RALYL: variants seen among roughly 807,000 people sequenced by gnomAD.
The protein encoded by RALYL is RALY RNA binding protein like, also known as RNA-binding Raly-like protein.
In RALYL, 29 loss-of-function variants were observed where a neutral mutation model predicts 35.1. The observed-to-expected ratio is 0.83, with a 90% CI of 0.61 to 1.13. The LOEUF (loss-of-function observed/expected upper bound fraction) is 1.13, where lower values mean the gene tolerates loss of function less well. Ranked by LOEUF, RALYL falls within the 50% of genes most tolerant of loss-of-function variation. The pLI, the probability that RALYL is intolerant of heterozygous loss-of-function variation, is 0.00. For missense variants in RALYL, 359 were observed against 360.4 expected, an observed-to-expected ratio of 1.00 and a Z score of 0.03; for synonymous variants, 120 against 127.6, an observed-to-expected ratio of 0.94 and a Z score of 0.40.
chr8:84,868,746 G>A (rs1302486284), intron 6 of RALYL, among the ~76,000 whole-genome samples: 2 of 151,944 alleles, frequency 1.3e-5, no homozygotes, highest in Non-Finnish European at 2.9e-5. Context: ...ATGTATGTAG[G>A]CATAAGTATT....
At chr8:84,522,215 T>G (rs1409413584) in intron 1 of RALYL, among the ~76,000 whole-genome samples, 3 of 151,966 alleles carry the variant, frequency 2.0e-5, no homozygotes, top group African/African-American at 2.4e-5. Context: ...ATTTTATATC[T>G]TTAATGCTTT....
chr8:84,411,214 TTTCTCCAC>T (rs2044065064), intron 1 of RALYL, among the ~76,000 whole-genome samples: 1 of 151,930 alleles, frequency 6.6e-6, no homozygotes, highest in Non-Finnish European at 1.5e-5. Flanking sequence ...CAATGTCTGC[TTTCTCCAC>T]TTTCATGCCT....
chr8:84,890,956 A>C (rs576851178), intron 8 of RALYL, among the ~76,000 whole-genome samples: 1 of 152,294 alleles, frequency 6.6e-6, no homozygotes, highest in South Asian at 2.1e-4. Flanking sequence ...AAAGGCACAA[A>C]GGGAACAAAA....
chr8:84,354,246 A>G (rs1369839161), intron 1 of RALYL, among the ~76,000 whole-genome samples: 1 of 150,302 alleles, frequency 6.7e-6, no homozygotes, highest in Non-Finnish European at 1.5e-5. Flanking sequence ...AAGGCACTTG[A>G]ACTAAATGTA....
intron 1 of RALYL, among the ~76,000 whole-genome samples, chr8:84,455,854 C>A (rs1349356022): frequency 6.6e-6 from 1 of 151,952 alleles, no homozygotes. Flanking sequence ...CAATTTACAT[C>A]AGAACTTAAA....
At chr8:84,840,099 C>T (rs959927998) in intron 4 of RALYL, among the ~76,000 whole-genome samples, 15 of 152,108 alleles carry the variant, frequency 9.9e-5, no homozygotes, top group African/African-American at 2.2e-4. Context: ...TCACCAGCAA[C>T]GGAACAAAGC....
chr8:84,586,287 T>C (rs1465389951), intron 2 of RALYL, among the ~76,000 whole-genome samples: 4 of 152,186 alleles, frequency 2.6e-5, no homozygotes, highest in Non-Finnish European at 5.9e-5. Flanking sequence ...TATCATGTAC[T>C]AACTAAATGC....
intron 4 of RALYL, among the ~76,000 whole-genome samples, chr8:84,809,135 G>T (rs1434781408): frequency 3.9e-5 from 6 of 152,100 alleles, no homozygotes; most frequent in African/African-American, 7.2e-5. Flanking sequence ...TATGTTGGCT[G>T]TGGGTTTTTC....
In RALYL at chr8:84,710,286, A is replaced by G. The variant is rs538866812; in HGVS notation, c.257-64293A>G. On this transcript the variant is annotated intron_variant, in intron 2 of 8. Transcript: ENST00000521268. ...TCCCTTCTATCTTTTCAGTTCATAT[A>G]TTTTTGTTTGTTTGTTTGTTTGTTT... Among the ~76,000 whole-genome samples, 15 of 151,578 alleles carry G rather than the reference A, an allele frequency of 9.9e-5. No individual in the cohort carries two copies. The South Asian group carries it at 2.9e-3, about 30-fold the overall frequency.
chr8:84,789,063 G>A (rs372926057), intron 3 of RALYL, among the ~76,000 whole-genome samples: 15 of 152,234 alleles, frequency 9.9e-5, no homozygotes, highest in African/African-American at 1.4e-4. Flanking sequence ...AAAGAGTAAC[G>A]GAATAAAGTC....
chr8:84,722,615 TTTTATATATATATATA>T (rs1294787813), intron 2 of RALYL, among the ~76,000 whole-genome samples: 4 of 65,666 alleles, frequency 6.1e-5, no homozygotes, highest in African/African-American at 2.8e-4. Flanking sequence ...CCTAGAGTGA[TTTTATATATATATATA>T]TATATATATA....
At chr8:84,408,928 A>C (rs1223438307) in intron 1 of RALYL, among the ~76,000 whole-genome samples, 1 of 152,172 alleles carries the variant, frequency 6.6e-6, no homozygotes, top group Non-Finnish European at 1.5e-5. Context: ...GAAACTGTGC[A>C]TTAACCTTTT....
intron 8 of RALYL, among the ~76,000 whole-genome samples, chr8:84,892,996 A>G (rs1844135763): frequency 6.6e-6 from 1 of 152,232 alleles, no homozygotes; most frequent in African/African-American, 2.4e-5. Context: ...GGGATAAAGA[A>G]GGAAAATAAG....
At chr8:84,859,962 A>C (rs1837798786) in intron 5 of RALYL, among the ~76,000 whole-genome samples, 1 of 152,198 alleles carries the variant, frequency 6.6e-6, no homozygotes, top group South Asian at 2.1e-4. Context: ...GTTGTTTAGT[A>C]AAGTACTAAG....
chr8:84,662,893 A>G (rs1831200864), intron 2 of RALYL, among the ~76,000 whole-genome samples: 1 of 152,056 alleles, frequency 6.6e-6, no homozygotes, highest in African/African-American at 2.4e-5. Context: ...TACATAGTTA[A>G]ACGTGTGCCA....
At chr8:84,614,530 T>C (rs1358645600) in intron 2 of RALYL, among the ~76,000 whole-genome samples, 1 of 151,724 alleles carries the variant, frequency 6.6e-6, no homozygotes, top group Non-Finnish European at 1.5e-5. Context: ...ATAGGCTGTT[T>C]AACTTACTTG....
At chr8:84,504,950 C>G (rs1274881828) in intron 1 of RALYL, among the ~76,000 whole-genome samples, 1 of 152,122 alleles carries the variant, frequency 6.6e-6, no homozygotes, top group Non-Finnish European at 1.5e-5. Flanking sequence ...CTATTTTTCT[C>G]AACATGTAAG....
chr8:84,910,150 A>G (rs1437706582), intron 8 of RALYL, among the ~76,000 whole-genome samples: 2 of 152,146 alleles, frequency 1.3e-5, no homozygotes, highest in African/African-American at 4.8e-5. Context: ...GGATCAAGAG[A>G]AAAACATTTT....
At chr8:84,254,789 G>A (rs1009108054) in intron 1 of RALYL, among the ~76,000 whole-genome samples, 1 of 148,948 alleles carries the variant, frequency 6.7e-6, no homozygotes, top group Admixed American at 6.7e-5. Flanking sequence ...AGCTCACCAT[G>A]GCTGGGGAAG....
Sources: gnomAD v4.1 joint callset for allele counts (sites outside exome capture counted in the v4.1 genomes callset) on GRCh38, gnomAD v4.1.1 for gene constraint, MANE v1.5 for transcripts, NCBI Gene and HGNC (gene_info 2026-07-23, HGNC 2026-07-21) for gene names.